EBF2: variants seen among roughly 807,000 people sequenced by gnomAD.
EBF2 encodes the protein EBF transcription factor 2, also known as transcription factor COE2.
Under a neutral mutation model 72.8 loss-of-function variants are expected in EBF2, and 21 were observed. The observed-to-expected ratio is 0.29, with a 90% confidence interval of 0.20 to 0.42. The LOEUF (loss-of-function observed/expected upper bound fraction) is 0.42, where lower values mean the gene tolerates loss of function less well. EBF2 is among the 10% of genes least tolerant of loss of function. The probability of loss-of-function intolerance (pLI) is 1.00; values close to 1 mark genes in which losing one functional copy is unlikely to be tolerated. For synonymous variants in EBF2, 299 were observed against 274.2 expected, an observed-to-expected ratio of 1.09 and a Z score of -0.89; for missense variants, 637 against 731.2, an observed-to-expected ratio of 0.87 and a Z score of 1.49.
At chr8:25,941,879 A>G (rs540262669) in intron 6 of EBF2, among the ~76,000 whole-genome samples, 65 of 152,350 alleles carry the variant, frequency 4.3e-4, no homozygotes, top group African/African-American at 1.5e-3. Flanking sequence ...AAAGGGAACC[A>G]TTCCCATTCC....
At chr8:25,997,765 A>G (rs1037865139) in intron 6 of EBF2, among the ~76,000 whole-genome samples, 1 of 152,178 alleles carries the variant, frequency 6.6e-6, no homozygotes, top group South Asian at 2.1e-4. Flanking sequence ...TACAAGGCTC[A>G]GTTAGACTAT....
chr8:25,916,768 A>G lies in EBF2; in HGVS notation c.552-8213T>C, dbSNP rs1347718797. 3.3e-5 allele frequency among the ~76,000 whole-genome samples: 5 copies of G among 152,142 alleles called. No individual in the cohort carries two copies. In the East Asian group the frequency reaches 9.6e-4, roughly 29 times the overall value. On this transcript the variant is annotated intron_variant, in intron 6 of 15. Coordinates refer to ENST00000520164, the MANE Select transcript of EBF2 (RefSeq NM_022659.4). ...TTTCAGTAAACTCTGGCCAGCAAAA[A>G]ATTCAGAGCTACCCACACAATATGC...
intron 9 of EBF2, 148 bp downstream of exon 9, chr8:25,887,694 T>C (rs1033872607): frequency 2.5e-6 from 2 of 799,518 alleles, no homozygotes; most frequent in African/African-American, 3.5e-5. Context: ...TAAATAATAC[T>C]GCAGTGGATA....
chr8:26,013,817 C>A (rs1805066224), intron 6 of EBF2, among the ~76,000 whole-genome samples: 1 of 152,112 alleles, frequency 6.6e-6, no homozygotes, highest in African/African-American at 2.4e-5. Context: ...AGGAATCTGG[C>A]ATTATTACAT....
intron 5 of EBF2, among the ~76,000 whole-genome samples, chr8:26,038,176 T>C (rs1283867375): frequency 6.6e-6 from 1 of 152,214 alleles, no homozygotes; most frequent in Admixed American, 6.5e-5. Flanking sequence ...TCTGCACACA[T>C]GTACACACAC....
Position 26,044,986 on chromosome 8 carries a change from T to C in EBF2, c.-127A>G. ...CAAGAAAAGGGATCAAGTGCCCAAGTTTGAGTCTTAGAAAAAAAAAAAAGA... is the reference window on the plus strand; with the variant it reads ...CAAGAAAAGGGATCAAGTGCCCAAGCTTGAGTCTTAGAAAAAAAAAAAAGA... On this transcript the variant is annotated 5_prime_UTR_variant, in exon 1 of 16. Transcript: ENST00000520164. The surrounding 1 kb of genome is among the most constrained non-coding windows in gnomAD (Gnocchi z 4.1). 3 of 1,010,810 alleles carry C rather than the reference T, an allele frequency of 3.0e-6. No homozygotes were observed. Among genetic ancestry groups the C allele is most frequent in the Non-Finnish European group, 4.2e-6 (3 of 706,718 alleles). 62.6% of individuals were successfully genotyped at this position (1,010,810 alleles called of 1,614,324 possible).
At chr8:25,998,470 G>A (rs1804672013) in intron 6 of EBF2, among the ~76,000 whole-genome samples, 1 of 152,204 alleles carries the variant, frequency 6.6e-6, no homozygotes, top group South Asian at 2.1e-4. Flanking sequence ...GATGAAGCAA[G>A]TGCATTTTCG....
intron 10 of EBF2, among the ~76,000 whole-genome samples, chr8:25,869,951 C>T (rs4490841): frequency 0.28 from 42,596 of 151,804 alleles, 6,156 homozygotes; most frequent in South Asian, 0.4. Flanking sequence ...AACTCCAAAG[C>T]CTGTGCTCTT....
chr8:25,973,830 C>A (rs1392293447), intron 6 of EBF2, among the ~76,000 whole-genome samples: 1 of 152,068 alleles, frequency 6.6e-6, no homozygotes, highest in Non-Finnish European at 1.5e-5. Context: ...TATGCACCAC[C>A]ACAAAGGGCT....
intron 6 of EBF2, among the ~76,000 whole-genome samples, chr8:26,013,601 C>A (rs966525909): frequency 2.0e-5 from 3 of 152,022 alleles, no homozygotes; most frequent in African/African-American, 7.3e-5. Flanking sequence ...TCAGGTACCC[C>A]CAAATAGCAA....
intron 6 of EBF2, among the ~76,000 whole-genome samples, chr8:25,937,051 G>C (rs571943782): frequency 1.3e-5 from 2 of 152,254 alleles, no homozygotes; most frequent in South Asian, 4.1e-4. Flanking sequence ...AACTAGCAAA[G>C]GTTAATTAGA....
chr8:25,886,624 C>T (rs1802693234), intron 10 of EBF2, 131 bp downstream of exon 10: 1 of 1,082,444 alleles, frequency 9.2e-7, no homozygotes, highest in Non-Finnish European at 1.3e-6. Flanking sequence ...CAACATCTAT[C>T]ACTCAGCTCA....
chr8:25,846,316 C>T (rs1015469530), intron 15 of EBF2, among the ~76,000 whole-genome samples: 3 of 151,950 alleles, frequency 2.0e-5, no homozygotes, highest in African/African-American at 7.3e-5. Context: ...CTATACTCAT[C>T]AACTGGAAGC....
intron 10 of EBF2, among the ~76,000 whole-genome samples, chr8:25,872,840 C>T (rs1802463124): frequency 6.6e-6 from 1 of 152,186 alleles, no homozygotes; most frequent in Admixed American, 6.5e-5. Flanking sequence ...AGGAGAATTA[C>T]TCTCTGTTGA....
At chr8:25,888,578 G>C (rs1236428075) in intron 8 of EBF2, among the ~76,000 whole-genome samples, 1 of 152,228 alleles carries the variant, frequency 6.6e-6, no homozygotes, top group African/African-American at 2.4e-5. Context: ...GGGCCAGAGA[G>C]AGAGAGGGGG....
chr8:25,848,304 T>C (rs1218218157), intron 15 of EBF2, among the ~76,000 whole-genome samples: 1 of 152,192 alleles, frequency 6.6e-6, no homozygotes, highest in Non-Finnish European at 1.5e-5. Context: ...ACCAAGTCAT[T>C]GCTCCTATAA....
chr8:25,872,679 AAAC>A (rs113792737), intron 10 of EBF2, among the ~76,000 whole-genome samples: 19,538 of 151,292 alleles, frequency 0.13, 1,355 homozygotes, highest in Middle Eastern at 0.18. Flanking sequence ...GTAAGAAAGC[AAAC>A]AACAACAACA....
chr8:25,847,221 C>A (rs1387736177), intron 15 of EBF2, among the ~76,000 whole-genome samples: 2 of 152,046 alleles, frequency 1.3e-5, no homozygotes, highest in Non-Finnish European at 2.9e-5. Context: ...GCAGCATATG[C>A]CTTTGCAGAC....
intron 6 of EBF2, chr8:26,031,663 C>T (rs1805408106): frequency 6.6e-6 from 1 of 151,850 alleles, no homozygotes; most frequent in African/African-American, 2.4e-5. Flanking sequence ...CGCAAACCCC[C>T]GACCTCAAGT....
Sources: allele counts gnomAD v4.1 joint callset (sites outside exome capture counted in the v4.1 genomes callset), GRCh38; gene constraint gnomAD v4.1.1; non-coding constraint Gnocchi (gnomAD v3.1); transcripts MANE v1.5; gene names NCBI Gene and HGNC (gene_info 2026-07-23, HGNC 2026-07-21).